The following RAMP1 variants were observed in gnomAD, a reference collection of about 807,000 sequenced individuals.
The protein encoded by RAMP1 is receptor activity-modifying protein 1.
A neutral mutation model predicts 8.2 loss-of-function variants in RAMP1; 7 were observed. The ratio of observed to expected loss-of-function variants is 0.85; its 90% CI spans 0.49 to 1.60. The LOEUF (loss-of-function observed/expected upper bound fraction) is 1.60, where lower values mean the gene tolerates loss of function less well. Ranked by LOEUF, RAMP1 falls within the 40% of genes most tolerant of loss-of-function variation. The pLI is 0.00. For missense variants in RAMP1, 192 were observed against 202.4 expected, an observed-to-expected ratio of 0.95 and a Z score of 0.31; for synonymous variants, 92 against 84.7, an observed-to-expected ratio of 1.09 and a Z score of -0.47.
At chr2:237,910,024 A>G (rs1366666087) in intron 2 of RAMP1, among the ~76,000 whole-genome samples, 1 of 151,704 alleles carries the variant, frequency 6.6e-6, no homozygotes, top group Non-Finnish European at 1.5e-5. Context: ...GGCCACCTCC[A>G]CTCCCTTCCT....
Position 237,877,074 on chromosome 2 carries a change from C to A in RAMP1, c.53-150C>A. On this transcript the variant is annotated intron_variant, in intron 1 of 2. Coordinates refer to ENST00000254661, the MANE Select transcript of RAMP1 (RefSeq NM_005855.4). This position sits in a 1 kb window ranked among gnomAD's most constrained non-coding sequence, Gnocchi z 4.4. ...AGGTCACAGAACAATTGATGAAGAG[C>A]GTCCACTTGGAGCCACAGTCGCCCT... 2.2e-6 allele frequency: 2 copies of A among 923,294 alleles called. No individual in the cohort carries two copies. The highest frequency in any genetic ancestry group is 3.3e-6 in the Non-Finnish European group (2 of 606,448). The allele number at this position is 923,294 out of a possible 1,614,324, so 57.2% of individuals were successfully genotyped here.
chr2:237,881,847 CTTTG>C (rs1306803726), intron 2 of RAMP1, among the ~76,000 whole-genome samples: 1 of 151,310 alleles, frequency 6.6e-6, no homozygotes, highest in African/African-American at 2.4e-5. Flanking sequence ...TGTCTTTCAA[CTTTG>C]TTTTTTTTTT....
chr2:237,894,200 A>T (rs1319654955), intron 2 of RAMP1, among the ~76,000 whole-genome samples: 2 of 151,900 alleles, frequency 1.3e-5, no homozygotes, highest in Non-Finnish European at 2.9e-5. Context: ...TGAACTCCTG[A>T]CCTCAAGTGA....
rs1257860118 is a variant in RAMP1 at position 237,877,152 on chromosome 2, G to A, written c.53-72G>A. 3.4e-5 allele frequency: 55 copies of A among 1,600,516 alleles called. No individual in the cohort carries two copies. Among genetic ancestry groups the A allele is most frequent in the Non-Finnish European group, 4.0e-5 (47 of 1,174,662 alleles). ...CTCGTGGAGTCCGGGCTGCAGGGGC[G>A]CGCGGGCTGGCGGTGATACCCCTAG... On this transcript the variant is annotated intron_variant, in intron 1 of 2. Transcript: ENST00000254661. The surrounding 1 kb of genome is among the most constrained non-coding windows in gnomAD (Gnocchi z 4.4).
rs1417169870 is a variant in RAMP1, at chr2:237,911,710, T to A, written c.374T>A (p.Val125Asp). 6.2e-7 allele frequency: 1 copy of A among 1,613,864 alleles called. No individual in the cohort carries two copies. The highest frequency in any genetic ancestry group is 2.2e-5 in the East Asian group (1 of 44,862). ...PGSILYPFIV[V>D]PITVTLLVTA... is the part of the protein sequence containing the mutation. ...AGCATCCTCTACCCCTTCATCGTGG[T>A]CCCCATCACGGTGACCCTGCTGGTG... The change falls in exon 3 of 3, where the codon GTC becomes GAC. Residue 125 changes from valine (V) to aspartate (D), a missense_variant. Transcript: ENST00000254661.
chr2:237,888,335 G>T (rs1204070298), intron 2 of RAMP1, among the ~76,000 whole-genome samples: 1 of 152,194 alleles, frequency 6.6e-6, no homozygotes, highest in Non-Finnish European at 1.5e-5. Context: ...ACAGGCGTGA[G>T]CCACCACGCC....
In RAMP1 at chr2:237,878,900, G is replaced by A. The variant is rs540071122; in HGVS notation, c.191+1538G>A. On this transcript the variant is annotated intron_variant, in intron 2 of 2. Transcript: ENST00000254661. The surrounding 1 kb of genome is among the most constrained non-coding windows in gnomAD (Gnocchi z 5.7). ...TGGGAGGGCCAAAGTCACGGCTCCAGCCTCAAAGGCCCCTGATAAGACACA... is the reference window on the plus strand; with the variant it reads ...TGGGAGGGCCAAAGTCACGGCTCCAACCTCAAAGGCCCCTGATAAGACACA... Among the ~76,000 whole-genome samples, 11 of 152,250 alleles carry A rather than the reference G, an allele frequency of 7.2e-5. No homozygotes were observed. The highest frequency in any genetic ancestry group is 1.5e-4 in the Non-Finnish European group (10 of 68,048).
At chr2:237,880,188 A>G (rs538186763) in intron 2 of RAMP1, among the ~76,000 whole-genome samples, 64 of 139,652 alleles carry the variant, frequency 4.6e-4, no homozygotes, top group African/African-American at 1.8e-3. Context: ...ATAAAGTCAC[A>G]GACAGAATTG....
chr2:237,891,062 G>T (rs2062482550), intron 2 of RAMP1, among the ~76,000 whole-genome samples: 1 of 151,810 alleles, frequency 6.6e-6, no homozygotes, highest in Admixed American at 6.6e-5. Flanking sequence ...AAATAATAAA[G>T]ACATTTAAGG....
chr2:237,903,509 A>G (rs898244115), intron 2 of RAMP1, among the ~76,000 whole-genome samples: 14 of 151,366 alleles, frequency 9.2e-5, no homozygotes, highest in African/African-American at 2.7e-4. Flanking sequence ...CACCTTCACT[A>G]GCATTCAGCA....
chr2:237,882,525 G>A (rs1333451123), intron 2 of RAMP1, among the ~76,000 whole-genome samples: 1 of 152,200 alleles, frequency 6.6e-6, no homozygotes, highest in Non-Finnish European at 1.5e-5. Context: ...GGTTCCCGGC[G>A]GAGGTGGAGG....
chr2:237,861,700 A>T lies in RAMP1; in HGVS notation c.52+1973A>T, dbSNP rs572799028. On this transcript the variant is annotated intron_variant, in intron 1 of 2. Transcript: ENST00000254661. ...CCGTCTCTACTAAAAATACAAAAAA[A>T]ATTAGGCAGGCATGGTGGCAGGCAC... Among the ~76,000 whole-genome samples the T allele has an allele frequency of 2.4e-3, 365 of 152,168 alleles. 2 individuals are homozygous for T. The highest frequency in any genetic ancestry group is 8.7e-3 in the African/African-American group (359 of 41,486).
In RAMP1 at chr2:237,908,809, T is replaced by A. The variant is rs539173629; in HGVS notation, c.192-2719T>A. Among the ~76,000 whole-genome samples, 19 of 152,068 alleles carry A rather than the reference T, an allele frequency of 1.2e-4. No individual in the cohort carries two copies. In the South Asian group the frequency reaches 2.3e-3, roughly 18 times the overall value. ...CTGGTGCCCTTCCAAGGAAAAAGAG[T>A]TCCTTCCTATCCTTCCCCTAGCCAT... is the stretch of plus-strand genomic sequence containing the variant. On this transcript the variant is annotated intron_variant, in intron 2 of 2. Coordinates refer to ENST00000254661, the MANE Select transcript of RAMP1 (RefSeq NM_005855.4).
At position 237,911,908 on chromosome 2, in the gene RAMP1, G is replaced by A; in HGVS notation, c.*125G>A. 1 of 1,403,756 alleles carries A rather than the reference G, an allele frequency of 7.1e-7. No homozygotes were observed. The highest frequency in any genetic ancestry group is 9.4e-7 in the Non-Finnish European group (1 of 1,063,254). 87.0% of individuals were successfully genotyped at this position (1,403,756 alleles called of 1,614,324 possible). ...ACAATGCCCCCCTTCTTCCAGCCAA[G>A]AAGAGCTCACAGGAGTCCAGAGTAG... is the stretch of plus-strand genomic sequence containing the variant. On this transcript the variant is annotated 3_prime_UTR_variant, in exon 3 of 3. Transcript: ENST00000254661.
At chr2:237,908,418 G>GGTA (rs200156142) in intron 2 of RAMP1, among the ~76,000 whole-genome samples, 11 of 150,292 alleles carry the variant, frequency 7.3e-5, no homozygotes, top group Non-Finnish European at 8.9e-5. Flanking sequence ...CTCTGGTGGT[G>GGTA]GTGGTGGTGG....
intron 1 of RAMP1, among the ~76,000 whole-genome samples, chr2:237,873,030 A>G (rs1470919367): frequency 6.6e-6 from 1 of 152,162 alleles, no homozygotes; most frequent in African/African-American, 2.4e-5. Flanking sequence ...CTCAAAATCA[A>G]ATAAAATAAA....
intron 2 of RAMP1, among the ~76,000 whole-genome samples, chr2:237,906,666 G>A (rs74191818): frequency 0.02 from 2,998 of 149,776 alleles, 75 homozygotes; most frequent in East Asian, 0.051. Context: ...AGGTCTGCTG[G>A]CAATGAATTC....
intron 2 of RAMP1, among the ~76,000 whole-genome samples, chr2:237,892,276 C>CTTTTTT (rs201847138): frequency 7.4e-6 from 1 of 134,372 alleles, no homozygotes; most frequent in African/African-American, 3.0e-5. Context: ...TTCTTTCTTT[C>CTTTTTT]TTTTTTTTTT....
chr2:237,869,637 A>G (rs1384707069), intron 1 of RAMP1, among the ~76,000 whole-genome samples: 2 of 152,256 alleles, frequency 1.3e-5, no homozygotes, highest in African/African-American at 4.8e-5. Context: ...TGTTATGGAT[A>G]GACCACACTG....
Sources: allele counts gnomAD v4.1 joint callset (sites outside exome capture counted in the v4.1 genomes callset), GRCh38; gene constraint gnomAD v4.1.1; non-coding constraint Gnocchi (gnomAD v3.1); transcripts MANE v1.5; gene names NCBI Gene and HGNC (gene_info 2026-07-23, HGNC 2026-07-21).